EXOC5: variants seen among roughly 807,000 people sequenced by gnomAD.
The protein encoded by EXOC5 is SEC10-like 1.
A neutral mutation model predicts 90.8 loss-of-function variants in EXOC5; 17 were observed. The ratio of observed to expected loss-of-function variants is 0.19; its 90% confidence interval spans 0.13 to 0.28. EXOC5 has a LOEUF of 0.28. Ranked by LOEUF, EXOC5 falls within the 10% of genes least tolerant of loss-of-function variation. The pLI is 1.00. For missense variants in EXOC5, 569 were observed against 830.6 expected, an observed-to-expected ratio of 0.69 and a Z score of 3.87; for synonymous variants, 260 against 270.0, an observed-to-expected ratio of 0.96 and a Z score of 0.36.
rs760032230 is a variant in EXOC5 at position 57,206,036 on chromosome 14, C to A, written c.*2573G>T. 6 of 453,024 alleles carry A rather than the reference C, an allele frequency of 1.3e-5. No homozygotes were observed. The highest frequency in any genetic ancestry group is 8.1e-5 in the African/African-American group (4 of 49,672). 28.1% of individuals were successfully genotyped at this position (453,024 alleles called of 1,614,324 possible). A position where few individuals can be genotyped will look rare whatever the true frequency, so the allele number is the denominator to read the frequency against. ...TAAGGTAGGCTTCCTTTATTAAATTCGTATTCTGTATTTCAGATATTTCTC... is the reference window on the plus strand; with the variant it reads ...TAAGGTAGGCTTCCTTTATTAAATTAGTATTCTGTATTTCAGATATTTCTC... On this transcript the variant is annotated 3_prime_UTR_variant, in exon 18 of 18. Coordinates refer to ENST00000621441, the MANE Select transcript of EXOC5 (RefSeq NM_006544.4).
intron 6 of EXOC5, among the ~76,000 whole-genome samples, chr14:57,236,705 G>A (rs1029681234): frequency 4.6e-5 from 7 of 152,192 alleles, no homozygotes; most frequent in Admixed American, 4.6e-4. Context: ...CTTATTCTAA[G>A]ACTTTTTGGG....
intron 16 of EXOC5, 62 bp downstream of exon 16, chr14:57,209,891 A>G: frequency 8.7e-7 from 1 of 1,153,006 alleles, no homozygotes; most frequent in Non-Finnish European, 1.3e-6. Flanking sequence ...AATCTAGGGC[A>G]CAGTAGGATA....
In EXOC5 at chr14:57,205,541, C is replaced by A; in HGVS notation, c.*3068G>T. ...AGCCACTACCTTAGGTACTTGACCA[C>A]TTTAAGGGGTTTTGTGGCATTTCAA... On this transcript the variant is annotated 3_prime_UTR_variant, in exon 18 of 18. Transcript: ENST00000621441. 3.6e-6 allele frequency: 1 copy of A among 275,880 alleles called. No homozygotes were observed. Among genetic ancestry groups the A allele is most frequent in the Non-Finnish European group, 7.0e-6 (1 of 143,652 alleles). 17.1% of individuals were successfully genotyped at this position (275,880 alleles called of 1,614,324 possible). A position where few individuals can be genotyped will look rare whatever the true frequency, so the allele number is the denominator to read the frequency against.
rs1882705932 is a variant in EXOC5, at chr14:57,207,920, T to G, written c.*689A>C. ...AATCTATTTACCAAATAAGAAATAGTAAACTTTTAAGTTTTACCCAGAAAG... is the reference window on the plus strand; with the variant it reads ...AATCTATTTACCAAATAAGAAATAGGAAACTTTTAAGTTTTACCCAGAAAG... On this transcript the variant is annotated 3_prime_UTR_variant, in exon 18 of 18. Coordinates refer to ENST00000621441, the MANE Select transcript of EXOC5 (RefSeq NM_006544.4). The G allele has an allele frequency of 6.6e-6, 1 of 152,156 alleles. No homozygotes were observed. 9.4% of individuals were successfully genotyped at this position (152,156 alleles called of 1,614,324 possible). A position where few individuals can be genotyped will look rare whatever the true frequency, so the allele number is the denominator to read the frequency against.
rs1426196425 is a variant in EXOC5 at position 57,222,395 on chromosome 14, G to A, written c.1318C>T (p.Pro440Ser). The part of the protein sequence containing the change: ...CHRLSDPSDL[P>S]RNAFRIFTIL... Reference sequence around the variant, plus strand: ...GTAAAAATTCTGAAGGCATTCCTTGGTAAGTCAGAAGGATCAGAGAGCTTA... The same window carrying A: ...GTAAAAATTCTGAAGGCATTCCTTGATAAGTCAGAAGGATCAGAGAGCTTA... Residue 440 changes from proline (P) to serine (S), a missense_variant, in exon 13 of 18, where the codon CCA (proline) becomes TCA (serine). Coordinates refer to ENST00000621441, the MANE Select transcript of EXOC5 (RefSeq NM_006544.4). The A allele has an allele frequency of 1.3e-6, 2 of 1,595,380 alleles. No individual in the cohort carries two copies. Among genetic ancestry groups the A allele is most frequent in the Admixed American group, 3.4e-5 (2 of 58,562 alleles).
intron 1 of EXOC5, among the ~76,000 whole-genome samples, chr14:57,263,075 A>G (rs907505479): frequency 1.3e-5 from 2 of 152,212 alleles, no homozygotes; most frequent in Non-Finnish European, 2.9e-5. Context: ...CCCCCATAGA[A>G]GGCCATTCTT....
At chr14:57,255,788 C>T (rs1210047500) in intron 1 of EXOC5, among the ~76,000 whole-genome samples, 4 of 149,528 alleles carry the variant, frequency 2.7e-5, no homozygotes, top group African/African-American at 7.4e-5. Flanking sequence ...GCCAAGATCA[C>T]ACCACTGTAC....
Position 57,233,768 on chromosome 14 carries a change from T to G in EXOC5, c.830A>C (p.Gln277Pro). Residue 277 changes from glutamine (Q) to proline (P), a missense_variant, in exon 9 of 18, where the codon CAA becomes CCA. Gln to Pro is a moderately conservative substitution (Grantham distance 76). Transcript: ENST00000621441. ...CTGTAGTTTGATTTCAAATACATTT[T>G]GAATAAGTTTAGCCAGGACTGTTTC... ...NPETVLAKLI[Q>P]NVFEIKLQSF... The G allele has an allele frequency of 6.3e-7, 1 of 1,582,624 alleles. No homozygotes were observed. Among genetic ancestry groups the G allele is most frequent in the Non-Finnish European group, 8.7e-7 (1 of 1,153,282 alleles).
rs896101108 is a variant in EXOC5, at chr14:57,204,015, T to C, written c.*4594A>G. 6.6e-6 allele frequency: 1 copy of C among 152,588 alleles called. No individual in the cohort carries two copies. Among genetic ancestry groups the C allele is most frequent in the African/African-American group, 2.4e-5 (1 of 41,458 alleles). The allele number at this position is 152,588 out of a possible 1,614,324, so 9.5% of individuals were successfully genotyped here. ...CTGAGGTTGACTGCTATGTGAAGTATGATGTGATATATTCCTATTTAAACT... is the reference window on the plus strand; with the variant it reads ...CTGAGGTTGACTGCTATGTGAAGTACGATGTGATATATTCCTATTTAAACT... On this transcript the variant is annotated 3_prime_UTR_variant, in exon 18 of 18. Transcript: ENST00000621441.
chr14:57,268,020 G>C (rs1028227641), intron 1 of EXOC5, among the ~76,000 whole-genome samples: 1 of 151,400 alleles, frequency 6.6e-6, no homozygotes, highest in African/African-American at 2.4e-5. Context: ...CCTCCCTTCA[G>C]TCTATCTCTC....
chr14:57,200,771 A>AC lies in EXOC5; in HGVS notation c.*7837_*7838insG, dbSNP rs970879230. 3.9e-5 allele frequency: 6 copies of AC among 151,980 alleles called. No homozygotes were observed. Among genetic ancestry groups the AC allele is most frequent in the African/African-American group, 1.4e-4 (6 of 41,416 alleles). 9.4% of individuals were successfully genotyped at this position (151,980 alleles called of 1,614,324 possible). A position where few individuals can be genotyped will look rare whatever the true frequency, so the allele number is the denominator to read the frequency against. ...GCTCACTACATTAAAAAAAAAAAAA[A>AC]AAAACTTCCACCAAAAATATAGTTG... On this transcript the variant is annotated 3_prime_UTR_variant, in exon 18 of 18. Coordinates refer to ENST00000621441, the MANE Select transcript of EXOC5 (RefSeq NM_006544.4).
chr14:57,244,528 CA>C (rs1433647549), intron 3 of EXOC5, among the ~76,000 whole-genome samples, 169 bp from the exon 4 acceptor site: 1 of 151,940 alleles, frequency 6.6e-6, no homozygotes, highest in Non-Finnish European at 1.5e-5. Context: ...AACCAAACTG[CA>C]AACTTTTATA....
chr14:57,241,862 G>C lies in EXOC5; in HGVS notation c.466-2203C>G, dbSNP rs922304245. On this transcript the variant is annotated intron_variant, in intron 4 of 17. Coordinates refer to ENST00000621441, the MANE Select transcript of EXOC5 (RefSeq NM_006544.4). ...TAAAAAAGAAAAACAGACCAGGTGC[G>C]GTGGCTCATGCCTGTAATCCCAGCA... Among the ~76,000 whole-genome samples the C allele has an allele frequency of 2.0e-5, 3 of 152,062 alleles. 1 individual carries two copies. The South Asian group carries it at 6.2e-4, about 31-fold the overall frequency.
rs556915324 is a variant in EXOC5, at chr14:57,201,643, G to C, written c.*6966C>G. The C allele has an allele frequency of 6.7e-6, 1 of 149,326 alleles. No individual in the cohort carries two copies. Among genetic ancestry groups the C allele is most frequent in the Admixed American group, 6.7e-5 (1 of 14,916 alleles). 9.3% of individuals were successfully genotyped at this position (149,326 alleles called of 1,614,324 possible). A position where few individuals can be genotyped will look rare whatever the true frequency, so the allele number is the denominator to read the frequency against. ...CTCACACCTGTAATCCCAGGACTTTGGGAGGTTGAGGTGGGCAGATCACTT... is the reference window on the plus strand; with the variant it reads ...CTCACACCTGTAATCCCAGGACTTTCGGAGGTTGAGGTGGGCAGATCACTT... On this transcript the variant is annotated 3_prime_UTR_variant, in exon 18 of 18. Transcript: ENST00000621441.
chr14:57,233,237 T>TTA (rs1555368843), intron 9 of EXOC5: 1 of 142,606 alleles, frequency 7.0e-6, no homozygotes, highest in African/African-American at 2.5e-5. Context: ...TGAATTGTGT[T>TTA]AAAAAAAAAA....
rs1427247471 is a variant in EXOC5 at position 57,218,719 on chromosome 14, C to T, written c.1526+603G>A. Among the ~76,000 whole-genome samples the T allele has an allele frequency of 3.9e-5, 6 of 152,152 alleles. 1 individual carries two copies. The highest frequency in any genetic ancestry group is 9.6e-5 in the African/African-American group (4 of 41,560). ...GAGACTGTTTCTGGACTAGTCTCGG[C>T]ATATCAATGTTTACAACAAAATGTC... On this transcript the variant is annotated intron_variant, in intron 14 of 17. Coordinates refer to ENST00000621441, the MANE Select transcript of EXOC5 (RefSeq NM_006544.4).
chr14:57,219,631 C>T (rs1236429490), intron 13 of EXOC5, among the ~76,000 whole-genome samples, 189 bp from the exon 14 acceptor site: 3 of 152,000 alleles, frequency 2.0e-5, no homozygotes, highest in Non-Finnish European at 4.4e-5. Context: ...AAAACTCATC[C>T]AAAGTTATTT....
chr14:57,231,362 A>G, intron 11 of EXOC5, 144 bp downstream of exon 11: 2 of 622,382 alleles, frequency 3.2e-6, no homozygotes, highest in Non-Finnish European at 5.6e-6. Flanking sequence ...TAAGAACAAG[A>G]TTTGATCAAT....
intron 3 of EXOC5, among the ~76,000 whole-genome samples, chr14:57,245,322 T>C (rs772179808): frequency 6.6e-6 from 1 of 152,120 alleles, no homozygotes; most frequent in Non-Finnish European, 1.5e-5. Context: ...TTAAGGACTT[T>C]CTCTGTGCTA....
Sources: allele counts gnomAD v4.1 joint callset (sites outside exome capture counted in the v4.1 genomes callset), GRCh38; gene constraint gnomAD v4.1.1; transcripts MANE v1.5; gene names NCBI Gene and HGNC (gene_info 2026-07-23, HGNC 2026-07-21).